LRP1B: variants seen among roughly 807,000 people sequenced by gnomAD.
LRP1B encodes LDL receptor related protein 1B.
A neutral mutation model predicts 556.6 loss-of-function variants in LRP1B; 217 were observed. The ratio of observed to expected loss-of-function variants is 0.39; its 90% CI spans 0.35 to 0.44. LRP1B has a LOEUF of 0.44. Among genes scored for constraint, LRP1B ranks in the 20% least tolerant of loss-of-function variants. The pLI, the probability that LRP1B is intolerant of heterozygous loss-of-function variation, is 1.00. For missense variants in LRP1B, 5,053 were observed against 5,620.8 expected (o/e 0.90, Z 3.23); for synonymous variants, 2,047 against 1,865.8 (o/e 1.10, Z -2.50).
intron 41 of LRP1B, among the ~76,000 whole-genome samples, chr2:140,642,875 A>C (rs980476176): frequency 7.9e-5 from 12 of 152,010 alleles, no homozygotes; most frequent in East Asian, 7.8e-4. Context: ...AACAAACAAA[A>C]AAATGGACTA....
At chr2:141,967,529 A>T (rs1471447071) in intron 1 of LRP1B, among the ~76,000 whole-genome samples, 1 of 151,882 alleles carries the variant, frequency 6.6e-6, no homozygotes, top group Non-Finnish European at 1.5e-5. Flanking sequence ...CAATCTTTTC[A>T]AATGTATACA....
chr2:141,114,169 G>T (rs1700822732), intron 7 of LRP1B, among the ~76,000 whole-genome samples: 1 of 152,238 alleles, frequency 6.6e-6, no homozygotes, highest in African/African-American at 2.4e-5. Flanking sequence ...AGGCAGGCAG[G>T]TGCAGGAGCC....
intron 2 of LRP1B, among the ~76,000 whole-genome samples, chr2:141,740,651 G>C (rs1299827628): frequency 6.6e-6 from 1 of 151,924 alleles, no homozygotes; most frequent in Non-Finnish European, 1.5e-5. Flanking sequence ...TACTATAGTC[G>C]CCCTGTTCTG....
At chr2:140,627,488 T>C (rs1418526127) in intron 41 of LRP1B, among the ~76,000 whole-genome samples, 1 of 152,186 alleles carries the variant, frequency 6.6e-6, no homozygotes, top group Non-Finnish European at 1.5e-5. Context: ...CCTACACCAG[T>C]GGTTTGCCAG....
intron 41 of LRP1B, among the ~76,000 whole-genome samples, chr2:140,655,028 G>GCATGTGTATATATATATATA (rs1684826793): frequency 3.6e-5 from 5 of 138,448 alleles, no homozygotes; most frequent in African/African-American, 1.3e-4. Flanking sequence ...ATGGGTATAT[G>GCATGTGTATATATATATATA]TATGTATATA....
intron 7 of LRP1B, among the ~76,000 whole-genome samples, chr2:141,093,286 G>T (rs1030797802): frequency 2.0e-5 from 3 of 152,122 alleles, no homozygotes; most frequent in Non-Finnish European, 4.4e-5. Flanking sequence ...AATTGAGGTG[G>T]TTGCACATGG....
intron 1 of LRP1B, among the ~76,000 whole-genome samples, chr2:142,000,586 T>C (rs1047238507): frequency 1.3e-5 from 2 of 152,174 alleles, no homozygotes; most frequent in Non-Finnish European, 2.9e-5. Flanking sequence ...CCAAAGCTAA[T>C]ACAGGGAGAA....
intron 21 of LRP1B, 82 bp from the exon 22 acceptor site, chr2:140,908,159 A>G: frequency 9.3e-7 from 1 of 1,077,550 alleles, no homozygotes. Flanking sequence ...GTCTTCAGTC[A>G]CAGGCAGAAT....
At chr2:141,188,845 A>G (rs1681375630) in intron 6 of LRP1B, among the ~76,000 whole-genome samples, 1 of 152,022 alleles carries the variant, frequency 6.6e-6, no homozygotes, top group African/African-American at 2.4e-5. Context: ...ACGTTTTAAA[A>G]TATAGGTATT....
At chr2:141,966,379 T>C (rs572381650) in intron 1 of LRP1B, among the ~76,000 whole-genome samples, 2 of 151,964 alleles carry the variant, frequency 1.3e-5, no homozygotes, top group South Asian at 4.2e-4. Context: ...TTAGACAGTG[T>C]TGTCTGTGAT....
At chr2:140,951,976 G>C (rs753853943) in intron 18 of LRP1B, 36 bp from the exon 19 acceptor site, 16 of 1,383,894 alleles carry the variant, frequency 1.2e-5, no homozygotes, top group Non-Finnish European at 1.6e-5. Context: ...AAGGTAACAT[G>C]TTATTGACTG....
intron 1 of LRP1B, among the ~76,000 whole-genome samples, chr2:141,884,129 C>T (rs2104899549): frequency 6.6e-6 from 1 of 152,232 alleles, no homozygotes; most frequent in South Asian, 2.1e-4. Context: ...AATCTCAGCA[C>T]TTTGGGTGGC....
intron 35 of LRP1B, among the ~76,000 whole-genome samples, chr2:140,766,052 C>A (rs1440647895): frequency 6.6e-6 from 1 of 151,858 alleles, no homozygotes; most frequent in Non-Finnish European, 1.5e-5. Context: ...GGCAACTGTG[C>A]CCTTCCATTT....
intron 2 of LRP1B, among the ~76,000 whole-genome samples, chr2:141,552,588 C>T (rs1685793742): frequency 6.6e-6 from 1 of 151,986 alleles, no homozygotes; most frequent in Non-Finnish European, 1.5e-5. Flanking sequence ...TTTAGCACTG[C>T]TAGTGATAGG....
chr2:141,947,826 AC>A (rs1450761312), intron 1 of LRP1B, among the ~76,000 whole-genome samples: 1 of 148,936 alleles, frequency 6.7e-6, no homozygotes, highest in Non-Finnish European at 1.5e-5. Flanking sequence ...GAAAAAAAAA[AC>A]AACAATACTG....
intron 41 of LRP1B, among the ~76,000 whole-genome samples, chr2:140,659,027 T>A (rs1163904821): frequency 6.6e-6 from 1 of 151,616 alleles, no homozygotes; most frequent in East Asian, 1.9e-4. Context: ...ATGGGTTGTT[T>A]CTGAGTTGTA....
intron 32 of LRP1B, among the ~76,000 whole-genome samples, chr2:140,781,164 C>T (rs984816978): frequency 2.6e-5 from 4 of 152,092 alleles, no homozygotes; most frequent in African/African-American, 4.8e-5. Flanking sequence ...GAACCACGGC[C>T]TTGAAGACCA....
chr2:141,768,407 T>G (rs974121212), intron 2 of LRP1B, among the ~76,000 whole-genome samples: 1 of 152,188 alleles, frequency 6.6e-6, no homozygotes. Context: ...ATTTCATTTG[T>G]TTTTCATTCA....
At chr2:142,097,047 A>C (rs1706396993) in intron 1 of LRP1B, among the ~76,000 whole-genome samples, 2 of 102,696 alleles carry the variant, frequency 1.9e-5, no homozygotes, top group Non-Finnish European at 4.3e-5. Context: ...GTTTGCTGTA[A>C]TTATCATTGC....
Sources: allele counts gnomAD v4.1 joint callset (sites outside exome capture counted in the v4.1 genomes callset), GRCh38; gene constraint gnomAD v4.1.1; transcripts MANE v1.5; gene names NCBI Gene and HGNC (gene_info 2026-07-23, HGNC 2026-07-21).